The following FARS2 variants were observed in gnomAD, a reference collection of about 807,000 sequenced individuals.
The protein encoded by FARS2 is phenylalanyl-tRNA synthetase 2, mitochondrial.
FARS2 carries 40 observed loss-of-function variants against 46.4 expected under a neutral mutation model. The observed-to-expected ratio is 0.86, with a 90% CI of 0.67 to 1.12. The LOEUF (loss-of-function observed/expected upper bound fraction) is 1.12. FARS2 is among the 50% of genes most tolerant of loss of function. The probability of loss-of-function intolerance (pLI) is 0.00; values close to 1 mark genes in which losing one functional copy is unlikely to be tolerated. For missense variants in FARS2, 513 were observed against 567.9 expected (o/e 0.90, Z 0.98); for synonymous variants, 234 against 214.9 (o/e 1.09, Z -0.78).
intron 3 of FARS2, among the ~76,000 whole-genome samples, chr6:5,405,694 G>T (rs1300555503): frequency 6.6e-6 from 1 of 151,636 alleles, no homozygotes; most frequent in Non-Finnish European, 1.5e-5. Flanking sequence ...GGGTTTCACC[G>T]TGTTTGCCAA....
chr6:5,441,348 C>T (rs1763833043), intron 4 of FARS2, among the ~76,000 whole-genome samples: 1 of 152,184 alleles, frequency 6.6e-6, no homozygotes, highest in Non-Finnish European at 1.5e-5. Flanking sequence ...GTGTATCCCT[C>T]CCTGTCAGTT....
At chr6:5,348,344 G>A (rs1199553524) in intron 1 of FARS2, among the ~76,000 whole-genome samples, 1 of 151,388 alleles carries the variant, frequency 6.6e-6, no homozygotes, top group Non-Finnish European at 1.5e-5. Context: ...GGATGTATGT[G>A]TGTGCTGTGA....
intron 6 of FARS2, among the ~76,000 whole-genome samples, chr6:5,690,960 A>G (rs1003486222): frequency 4.6e-5 from 7 of 152,124 alleles, no homozygotes; most frequent in Non-Finnish European, 8.8e-5. Flanking sequence ...ATCTTCCATC[A>G]CTGATACCCT....
intron 2 of FARS2, among the ~76,000 whole-genome samples, chr6:5,395,102 G>T (rs1760819360): frequency 6.6e-6 from 1 of 152,130 alleles, no homozygotes. Flanking sequence ...CCAGGCTGGA[G>T]TGCAATGGTG....
intron 1 of FARS2, among the ~76,000 whole-genome samples, chr6:5,354,015 T>G (rs1011434494): frequency 0.013 from 2 of 150 alleles, no homozygotes; most frequent in African/African-American, 0.25. Flanking sequence ...GATAAAATCT[T>G]TTTTTTTTTC....
intron 6 of FARS2, among the ~76,000 whole-genome samples, chr6:5,707,275 C>G (rs1241996810): frequency 2.6e-5 from 4 of 152,166 alleles, no homozygotes; most frequent in East Asian, 1.9e-4. Context: ...CAGTTGAGGA[C>G]CAACCATTAT....
intron 1 of FARS2, among the ~76,000 whole-genome samples, chr6:5,296,686 T>C (rs867886368): frequency 1.3e-5 from 2 of 152,228 alleles, no homozygotes; most frequent in African/African-American, 4.8e-5. Flanking sequence ...TTTGTCCTTT[T>C]CATCTGATTT....
chr6:5,753,406 C>T (rs944713269), intron 6 of FARS2, among the ~76,000 whole-genome samples: 3 of 152,210 alleles, frequency 2.0e-5, no homozygotes, highest in African/African-American at 7.2e-5. Context: ...TTAGATCCCT[C>T]TGCAGCTTTC....
chr6:5,678,508 T>C (rs1179791455), intron 6 of FARS2, among the ~76,000 whole-genome samples: 1 of 152,192 alleles, frequency 6.6e-6, no homozygotes, highest in African/African-American at 2.4e-5. Context: ...GGACATACTT[T>C]TATAGTCTGC....
chr6:5,553,690 A>C (rs1003096599), intron 5 of FARS2, among the ~76,000 whole-genome samples: 7 of 152,150 alleles, frequency 4.6e-5, no homozygotes, highest in Non-Finnish European at 1.0e-4. Flanking sequence ...ACTGGTTTGT[A>C]GGCTACAAGT....
chr6:5,331,103 TAAAA>T (rs11362298), intron 1 of FARS2, among the ~76,000 whole-genome samples: 2 of 132,908 alleles, frequency 1.5e-5, no homozygotes, highest in African/African-American at 2.8e-5. Context: ...AAACTCCGTT[TAAAA>T]AAAAAAAAAA....
intron 6 of FARS2, among the ~76,000 whole-genome samples, chr6:5,746,981 G>A (rs528232125): frequency 1.8e-4 from 28 of 152,346 alleles, no homozygotes; most frequent in Admixed American, 1.3e-4. Flanking sequence ...GCTTTGCAGA[G>A]ATGGTAACAG....
chr6:5,686,262 T>C (rs1186719522), intron 6 of FARS2, among the ~76,000 whole-genome samples: 1 of 152,146 alleles, frequency 6.6e-6, no homozygotes, highest in Admixed American at 6.5e-5. Flanking sequence ...GCAGGTTTGT[T>C]ACATATGTAT....
At chr6:5,300,021 A>G (rs1332835680) in intron 1 of FARS2, among the ~76,000 whole-genome samples, 1 of 152,218 alleles carries the variant, frequency 6.6e-6, no homozygotes, top group Non-Finnish European at 1.5e-5. Context: ...TAGTTGGAGC[A>G]GAAAGTTTAG....
At chr6:5,619,224 T>C (rs797018455) in intron 6 of FARS2, among the ~76,000 whole-genome samples, 38 of 152,198 alleles carry the variant, frequency 2.5e-4, no homozygotes, top group South Asian at 6.2e-4. Context: ...TGGTCTGGCT[T>C]TAAGACAGAC....
At chr6:5,545,961 C>G (rs777813498) in intron 5 of FARS2, among the ~76,000 whole-genome samples, 2 of 152,054 alleles carry the variant, frequency 1.3e-5, no homozygotes, top group Non-Finnish European at 2.9e-5. Flanking sequence ...AACCCTGTCT[C>G]TACTAAAAAT....
At chr6:5,734,492 C>T (rs564447543) in intron 6 of FARS2, among the ~76,000 whole-genome samples, 1 of 152,286 alleles carries the variant, frequency 6.6e-6, no homozygotes, top group East Asian at 1.9e-4. Flanking sequence ...AGCTTGTGCT[C>T]TCTATTTGAG....
chr6:5,378,572 T>TAG (rs1759539651), intron 2 of FARS2, among the ~76,000 whole-genome samples: 6 of 152,206 alleles, frequency 3.9e-5, no homozygotes, highest in Admixed American at 1.3e-4. Flanking sequence ...CTTTCTGCTC[T>TAG]GAATCACTTT....
chr6:5,301,554 A>G (rs931221749), intron 1 of FARS2, among the ~76,000 whole-genome samples: 3 of 152,092 alleles, frequency 2.0e-5, no homozygotes, highest in Non-Finnish European at 4.4e-5. Flanking sequence ...CTTATCTCCA[A>G]CCCACCTACC....
Sources: allele counts gnomAD v4.1 joint callset (sites outside exome capture counted in the v4.1 genomes callset), GRCh38; gene constraint gnomAD v4.1.1; transcripts MANE v1.5; gene names NCBI Gene and HGNC (gene_info 2026-07-23, HGNC 2026-07-21).